The following MSR1 variants were observed in gnomAD, a reference collection of about 807,000 sequenced individuals.
The protein encoded by MSR1 is macrophage scavenger receptor 1, also known as macrophage scavenger receptor types I and II.
Under a neutral mutation model 47.2 loss-of-function variants are expected in MSR1, and 53 were observed. The ratio of observed to expected loss-of-function variants is 1.12; its 90% CI spans 0.90 to 1.41. The LOEUF is 1.41. Ranked by LOEUF, MSR1 falls within the 40% of genes most tolerant of loss-of-function variation. The probability of loss-of-function intolerance (pLI) is 0.00; values close to 1 mark genes in which losing one functional copy is unlikely to be tolerated. For synonymous variants in MSR1, 239 were observed against 185.6 expected, an observed-to-expected ratio of 1.29 and a Z score of -2.34; for missense variants, 786 against 546.9, an observed-to-expected ratio of 1.44 and a Z score of -4.36.
chr8:16,187,291 A>G (rs939341181), intron 1 of MSR1, among the ~76,000 whole-genome samples: 2 of 149,666 alleles, frequency 1.3e-5, no homozygotes, highest in Admixed American at 1.4e-4. Context: ...TGAACCTGGG[A>G]AACAGAGGTA....
At position 16,189,309 on chromosome 8, in the gene MSR1, T is replaced by C. The variant is rs866724038; in HGVS notation, c.-5+3289A>G. 1.1e-4 allele frequency among the ~76,000 whole-genome samples: 13 copies of C among 117,396 alleles called. No homozygotes were observed. In the East Asian group the frequency reaches 1.9e-3, roughly 18 times the overall value. 77.0% of individuals were successfully genotyped at this position (117,396 alleles called of 152,430 possible). On this transcript the variant is annotated intron_variant, in intron 1 of 9. Transcript: ENST00000262101. ...AAATCTTATTTACATTTCATATATA[T>C]ATAAAATCTTATTTACATTTCATAT...
intron 5 of MSR1, among the ~76,000 whole-genome samples, chr8:16,158,366 TATA>T (rs1173825647): frequency 6.6e-6 from 1 of 151,978 alleles, no homozygotes; most frequent in Non-Finnish European, 1.5e-5. Context: ...AGTACTGATA[TATA>T]ATATTTGATA....
At chr8:16,139,634 T>C in intron 8 of MSR1, 1 of 973,310 alleles carries the variant, frequency 1.0e-6, no homozygotes, top group Non-Finnish European at 1.2e-6. Context: ...ATTGGTATTC[T>C]TTTTCATGAT....
At chr8:16,188,863 G>C (rs1438115473) in intron 1 of MSR1, among the ~76,000 whole-genome samples, 2 of 151,516 alleles carry the variant, frequency 1.3e-5, no homozygotes, top group African/African-American at 2.4e-5. Context: ...TGGCTGCATA[G>C]TAGTCCATGG....
chr8:16,123,858 G>A (rs1168965188), intron 8 of MSR1, among the ~76,000 whole-genome samples: 1 of 152,074 alleles, frequency 6.6e-6, no homozygotes, highest in South Asian at 2.1e-4. Context: ...CCCAAGACCC[G>A]AATCTGCTTA....
intron 3 of MSR1, among the ~76,000 whole-genome samples, chr8:16,173,803 C>T (rs1219679504): frequency 1.3e-5 from 2 of 152,082 alleles, no homozygotes; most frequent in Non-Finnish European, 2.9e-5. Context: ...CACCCGCCAC[C>T]ACTCCTGGCT....
At chr8:16,190,907 G>T (rs1802182268) in intron 1 of MSR1, among the ~76,000 whole-genome samples, 1 of 151,920 alleles carries the variant, frequency 6.6e-6, no homozygotes, top group Admixed American at 6.6e-5. Flanking sequence ...TTTCAGTAGA[G>T]ACAGGGTTTC....
At chr8:16,170,350 A>G (rs868453497) in intron 3 of MSR1, among the ~76,000 whole-genome samples, 1,454 of 140,486 alleles carry the variant, frequency 0.01, 29 homozygotes, top group African/African-American at 0.045. Context: ...TCCATCTCAA[A>G]AAAAAAAAAA....
chr8:16,176,098 T>A (rs368506701), intron 2 of MSR1, among the ~76,000 whole-genome samples: 1 of 152,214 alleles, frequency 6.6e-6, no homozygotes, highest in East Asian at 1.9e-4. Context: ...ATTGCTTTCA[T>A]TGATCAATTA....
intron 3 of MSR1, among the ~76,000 whole-genome samples, chr8:16,171,090 G>A (rs1427143076): frequency 6.6e-6 from 1 of 152,034 alleles, no homozygotes; most frequent in East Asian, 1.9e-4. Context: ...CAGGCGTGGT[G>A]GTGGGTGCCT....
At chr8:16,190,517 G>T (rs1211288846) in intron 1 of MSR1, among the ~76,000 whole-genome samples, 1 of 151,810 alleles carries the variant, frequency 6.6e-6, no homozygotes, top group East Asian at 1.9e-4. Context: ...CACTGTAATT[G>T]TCTGTCATAC....
At chr8:16,116,165 A>G (rs1288489573) in intron 9 of MSR1, among the ~76,000 whole-genome samples, 1 of 152,200 alleles carries the variant, frequency 6.6e-6, no homozygotes, top group African/African-American at 2.4e-5. Flanking sequence ...GTAGTGAGCA[A>G]TACAACATTG....
chr8:16,117,502 A>C (rs1799903810), intron 9 of MSR1, among the ~76,000 whole-genome samples: 1 of 152,188 alleles, frequency 6.6e-6, no homozygotes, highest in Non-Finnish European at 1.5e-5. Flanking sequence ...TAGAGTCGAA[A>C]GTGAGTTGAT....
intron 5 of MSR1, among the ~76,000 whole-genome samples, chr8:16,158,930 ATT>A (rs34495946): frequency 0.035 from 3,815 of 107,650 alleles, 179 homozygotes; most frequent in African/African-American, 0.13. Context: ...CCTTTGGTTA[ATT>A]TTTTTTTTTT....
rs376545488 is a variant in MSR1 at position 16,175,289 on chromosome 8, T to C, written c.115A>G (p.Ser39Gly). The change falls in exon 3 of 10, where the codon AGC becomes GGC. Residue 39 changes from serine to glycine, a missense_variant. Coordinates refer to ENST00000262101, the MANE Select transcript of MSR1 (RefSeq NM_138715.3). ...TTCAGTTTCTCTTGAAGGGAAGGGC[T>C]GTTTTTAGGATCTAATAAAACAAAA... is the stretch of plus-strand genomic sequence containing the variant. ...TALLPPNPKN[S>G]PSLQEKLKSF... 2.5e-6 allele frequency: 4 copies of C among 1,613,818 alleles called. No homozygotes were observed. The African/African-American group carries it at 5.3e-5, about 22-fold the overall frequency.
At chr8:16,168,385 T>C (rs1308489553) in intron 4 of MSR1, 73 bp downstream of exon 4, 2 of 1,534,798 alleles carry the variant, frequency 1.3e-6, no homozygotes, top group Admixed American at 1.7e-5. Context: ...TTTGCTTTCC[T>C]GTACTGCCTA....
At chr8:16,127,536 C>T (rs949326349) in intron 8 of MSR1, among the ~76,000 whole-genome samples, 1 of 152,100 alleles carries the variant, frequency 6.6e-6, no homozygotes, top group Admixed American at 6.6e-5. Context: ...TATCTTATCT[C>T]TACACACAAT....
At chr8:16,180,860 G>A (rs1801808832) in intron 1 of MSR1, among the ~76,000 whole-genome samples, 1 of 152,102 alleles carries the variant, frequency 6.6e-6, no homozygotes, top group Admixed American at 6.5e-5. Flanking sequence ...ATGCTATGTT[G>A]ATCTGACCAA....
intron 8 of MSR1, among the ~76,000 whole-genome samples, chr8:16,121,473 T>TAAATAGTGCAAC (rs1800004545): frequency 1.3e-5 from 2 of 151,956 alleles, no homozygotes; most frequent in African/African-American, 4.8e-5. Context: ...AGTGACAGAT[T>TAAATAGTGCAAC]AAATAAAATA....
Sources: allele counts gnomAD v4.1 joint callset (sites outside exome capture counted in the v4.1 genomes callset), GRCh38; gene constraint gnomAD v4.1.1; transcripts MANE v1.5; gene names NCBI Gene and HGNC (gene_info 2026-07-23, HGNC 2026-07-21).